Variants in EXOC6B observed in about 807,000 individuals in gnomAD.
The protein encoded by EXOC6B is exocyst complex component 6B.
EXOC6B carries 54 observed loss-of-function variants against 113.5 expected under a neutral mutation model. The ratio of observed to expected loss-of-function variants is 0.48; its 90% CI spans 0.38 to 0.60. The LOEUF (loss-of-function observed/expected upper bound fraction) is 0.60. EXOC6B is among the 20% of genes least tolerant of loss of function. EXOC6B has a pLI of 0.00. For synonymous variants in EXOC6B, 357 were observed against 339.0 expected, an observed-to-expected ratio of 1.05 and a Z score of -0.58; for missense variants, 797 against 977.5, an observed-to-expected ratio of 0.82 and a Z score of 2.46.
At chr2:72,658,286 T>TAAAAAAAAAAAAAAA (rs60572283) in intron 6 of EXOC6B, among the ~76,000 whole-genome samples, 1 of 58,726 alleles carries the variant, frequency 1.7e-5, no homozygotes, top group African/African-American at 7.4e-5. Flanking sequence ...TAAAAACTAG[T>TAAAAAAAAAAAAAAA]AAAAAAAAAA....
chr2:72,688,922 T>A (rs1677289311), intron 6 of EXOC6B, among the ~76,000 whole-genome samples: 1 of 152,194 alleles, frequency 6.6e-6, no homozygotes, highest in African/African-American at 2.4e-5. Context: ...ACTAACCCGA[T>A]CACTCTGTAT....
intron 18 of EXOC6B, among the ~76,000 whole-genome samples, chr2:72,387,936 TATAAC>T (rs1207212321): frequency 6.6e-6 from 1 of 152,156 alleles, no homozygotes; most frequent in African/African-American, 2.4e-5. Context: ...TTACTTTTCT[TATAAC>T]ATAAGTACTT....
chr2:72,539,754 G>C (rs527488286), intron 8 of EXOC6B, among the ~76,000 whole-genome samples: 1 of 151,486 alleles, frequency 6.6e-6, no homozygotes, highest in Non-Finnish European at 1.5e-5. Context: ...GTGTGTGCGC[G>C]CGCGCGCGCG....
chr2:72,344,155 C>T (rs890425400), intron 19 of EXOC6B, among the ~76,000 whole-genome samples: 2 of 152,096 alleles, frequency 1.3e-5, no homozygotes, highest in Non-Finnish European at 2.9e-5. Flanking sequence ...CAGTAATCTC[C>T]ATTGTCTTCT....
chr2:72,537,779 G>A (rs1347530438), intron 8 of EXOC6B, among the ~76,000 whole-genome samples: 1 of 152,058 alleles, frequency 6.6e-6, no homozygotes, highest in African/African-American at 2.4e-5. Context: ...AATGAATCAG[G>A]TTGTCCAGAG....
intron 20 of EXOC6B, among the ~76,000 whole-genome samples, chr2:72,259,505 C>T (rs575390264): frequency 2.8e-4 from 43 of 152,250 alleles, no homozygotes; most frequent in African/African-American, 8.9e-4. Flanking sequence ...TTTTACAAGT[C>T]TTTTCGTGGA....
chr2:72,456,412 T>G (rs1476836847), intron 18 of EXOC6B, among the ~76,000 whole-genome samples: 1 of 152,120 alleles, frequency 6.6e-6, no homozygotes. Flanking sequence ...TCAAAACAGG[T>G]AAACTCCATA....
At chr2:72,687,927 C>A (rs933145097) in intron 6 of EXOC6B, among the ~76,000 whole-genome samples, 7 of 152,224 alleles carry the variant, frequency 4.6e-5, no homozygotes, top group South Asian at 4.1e-4. Context: ...TTCCCTCCCC[C>A]ACCACACACA....
At chr2:72,547,777 T>A (rs1003838578) in intron 8 of EXOC6B, among the ~76,000 whole-genome samples, 1 of 152,328 alleles carries the variant, frequency 6.6e-6, no homozygotes, top group East Asian at 1.9e-4. Context: ...CAGAATAGTT[T>A]GTCTTCATCA....
chr2:72,176,223 C>T lies in EXOC6B; in HGVS notation c.*3112G>A, dbSNP rs1300865302. 3 of 150,338 alleles carry T rather than the reference C, an allele frequency of 2.0e-5. No homozygotes were observed. The highest frequency in any genetic ancestry group is 6.6e-5 in the Admixed American group (1 of 15,122). The allele number at this position is 150,338 out of a possible 1,614,324, so 9.3% of individuals were successfully genotyped here. A position where few individuals can be genotyped will look rare whatever the true frequency, so the allele number is the denominator to read the frequency against. ...TCTGTGTAAAATAAAAATGCCATTTCCAACACCTTTGTGAAAAGTAATTGT... is the reference window on the plus strand; with the variant it reads ...TCTGTGTAAAATAAAAATGCCATTTTCAACACCTTTGTGAAAAGTAATTGT... On this transcript the variant is annotated 3_prime_UTR_variant, in exon 22 of 22. Transcript: ENST00000272427.
chr2:72,644,354 C>A (rs1386176424), intron 6 of EXOC6B, among the ~76,000 whole-genome samples: 1 of 152,158 alleles, frequency 6.6e-6, no homozygotes. Context: ...AAGAATGGAA[C>A]CAAGTTGGAA....
rs763953870 is a variant in EXOC6B, at chr2:72,176,907, T to G, written c.*2428A>C. 2 of 152,176 alleles carry G rather than the reference T, an allele frequency of 1.3e-5. No individual in the cohort carries two copies. The highest frequency in any genetic ancestry group is 2.9e-5 in the Non-Finnish European group (2 of 68,044). The allele number at this position is 152,176 out of a possible 1,614,324, so 9.4% of individuals were successfully genotyped here. ...GGAGTCTGATGGGTCTGGGCACACA[T>G]GCTTTGCACAAGTCCTCTCAAGGGT... On this transcript the variant is annotated 3_prime_UTR_variant, in exon 22 of 22. Transcript: ENST00000272427.
intron 18 of EXOC6B, chr2:72,461,497 T>C (rs899349517): frequency 3.3e-5 from 5 of 151,896 alleles, no homozygotes; most frequent in African/African-American, 1.2e-4. Flanking sequence ...ATAACGAATA[T>C]ATTTTTAATG....
chr2:72,464,916 C>A, intron 18 of EXOC6B: 1 of 521,770 alleles, frequency 1.9e-6, no homozygotes, highest in Non-Finnish European at 3.3e-6. Context: ...TTACCTTGAA[C>A]ATCATAGGAA....
intron 20 of EXOC6B, among the ~76,000 whole-genome samples, chr2:72,252,364 TA>T (rs1444209034): frequency 6.6e-6 from 1 of 152,048 alleles, no homozygotes; most frequent in Non-Finnish European, 1.5e-5. Flanking sequence ...AGGAGTAAAA[TA>T]CTGTTCCACG....
Position 72,709,250 on chromosome 2 carries a change from G to A in EXOC6B, c.669+8853C>T, listed in dbSNP as rs1679107437. 1.3e-5 allele frequency among the ~76,000 whole-genome samples: 2 copies of A among 151,900 alleles called. 1 individual carries two copies. The highest frequency in any genetic ancestry group is 4.2e-4 in the South Asian group (2 of 4,808). On this transcript the variant is annotated intron_variant, in intron 6 of 21. Transcript: ENST00000272427. ...ATTTCTCTATATTTCAGTTCCCTTAGCATTATTTTGATGGGGTTTTCACGC... is the reference window on the plus strand; with the variant it reads ...ATTTCTCTATATTTCAGTTCCCTTAACATTATTTTGATGGGGTTTTCACGC...
intron 18 of EXOC6B, 70 bp from the exon 19 acceptor site, chr2:72,379,940 C>G: frequency 7.2e-7 from 1 of 1,390,092 alleles, no homozygotes; most frequent in Non-Finnish European, 9.6e-7. Context: ...TTCAACAAAA[C>G]TTAAAATTAC....
intron 1 of EXOC6B, among the ~76,000 whole-genome samples, chr2:72,773,597 GA>G (rs920979820): frequency 2.7e-5 from 4 of 148,210 alleles, no homozygotes; most frequent in Admixed American, 2.0e-4. Context: ...AAGAAAGTCG[GA>G]AAAAAAAACT....
chr2:72,766,185 T>C (rs1683050930), intron 1 of EXOC6B, among the ~76,000 whole-genome samples: 1 of 152,184 alleles, frequency 6.6e-6, no homozygotes, highest in African/African-American at 2.4e-5. Context: ...ACAATAGCAT[T>C]AAGGCAGTAA....
Sources: gnomAD v4.1 joint callset for allele counts (sites outside exome capture counted in the v4.1 genomes callset) on GRCh38, gnomAD v4.1.1 for gene constraint, MANE v1.5 for transcripts, NCBI Gene and HGNC (gene_info 2026-07-23, HGNC 2026-07-21) for gene names.